TTN: variants seen among roughly 807,000 people sequenced by gnomAD.
TTN encodes the protein titin.
A neutral mutation model predicts 3,223.0 loss-of-function variants in TTN; 1,525 were observed. That is an observed-to-expected ratio of 0.47 (90% CI 0.45 to 0.49). The LOEUF (loss-of-function observed/expected upper bound fraction) is 0.49, where lower values mean the gene tolerates loss of function less well. TTN is among the 20% of genes least tolerant of loss of function. The probability of loss-of-function intolerance (pLI) is 0.00; values close to 1 mark genes in which losing one functional copy is unlikely to be tolerated. For synonymous variants in TTN, 14,094 were observed against 15,161.0 expected, an observed-to-expected ratio of 0.93 and a Z score of 5.17; for missense variants, 40,786 against 43,424.0, an observed-to-expected ratio of 0.94 and a Z score of 5.40.
In TTN at chr2:178,614,391, AT is replaced by A; in HGVS notation, c.49049-44del. The A allele has an allele frequency of 2.5e-6, 4 of 1,577,194 alleles. No homozygotes were observed. In the South Asian group the frequency reaches 3.6e-5, roughly 14 times the overall value. On this transcript the variant is annotated intron_variant, in intron 261 of 362. Transcript: ENST00000589042. ...GATGCAGAAAAAAAAATTGTTCACCATTTTTTTTATTTTTTTCTTTCAAGAA... is the reference window on the plus strand; with the variant it reads ...GATGCAGAAAAAAAAATTGTTCACCATTTTTTTATTTTTTTCTTTCAAGAA...
In TTN at chr2:178,724,376, T is replaced by A. The variant is rs764035021; in HGVS notation, c.20999A>T (p.Asn7000Ile). The change falls in exon 72 of 363, where the codon AAC (asparagine) becomes ATC (isoleucine). Residue 7000 changes from asparagine to isoleucine, a missense_variant. Transcript: ENST00000589042. Reference sequence around the variant, plus strand: ...GAGAATCCTTAAGGAAGAGATTTTGTTGTAGAAGCTAAATTTGTGTTTTTG... The same window carrying A: ...GAGAATCCTTAAGGAAGAGATTTTGATGTAGAAGCTAAATTTGTGTTTTTG... ...SSQKHKFSFYNKISSLRILSV... is the reference protein window; with the variant it reads ...SSQKHKFSFYIKISSLRILSV... The A allele has an allele frequency of 1.9e-6, 3 of 1,613,430 alleles. No homozygotes were observed. The highest frequency in any genetic ancestry group is 2.5e-6 in the Non-Finnish European group (3 of 1,179,608).
In TTN at chr2:178,546,491, C is replaced by T. The variant is rs775269806; in HGVS notation, c.94840G>A (p.Ala31614Thr). The T allele has an allele frequency of 6.2e-7, 1 of 1,611,046 alleles. No homozygotes were observed. Among genetic ancestry groups the T allele is most frequent in the Non-Finnish European group, 8.5e-7 (1 of 1,177,808 alleles). ...TCRDEYAPPK[A>T]ELDARLHGDL... is the part of the protein sequence containing the mutation. ...CCGTGTAATCGGGCATCCAGTTCGGCTTTGGGTGGAGCTGTCAGTAGGCAA... is the reference window on the plus strand; with the variant it reads ...CCGTGTAATCGGGCATCCAGTTCGGTTTTGGGTGGAGCTGTCAGTAGGCAA... Residue 31614 changes from alanine to threonine, a missense_variant, in exon 342 of 363, where the codon GCC (alanine) becomes ACC (threonine). Transcript: ENST00000589042.
chr2:178,746,136 G>T (rs397517820), intron 47 of TTN: 2 of 1,613,348 alleles, frequency 1.2e-6, no homozygotes, highest in Non-Finnish European at 1.7e-6. Flanking sequence ...ATATTATCTG[G>T]CTCAATACAC....
rs1418085481 is a variant in TTN at position 178,718,928 on chromosome 2, G to A, written c.24272C>T (p.Pro8091Leu). The A allele has an allele frequency of 6.2e-7, 1 of 1,612,016 alleles. No homozygotes were observed. The highest frequency in any genetic ancestry group is 8.5e-7 in the Non-Finnish European group (1 of 1,178,974). ...EQTPDSVEVL[P>L]GMSLTFTSVI... ...ACTGGTGAATGTGAGGCTCATTCCA[G>A]GCAAAACTTCCACAGAATCAGGGGT... is the stretch of plus-strand genomic sequence containing the variant. Residue 8091 changes from proline to leucine, a missense_variant, in exon 84 of 363, where the codon CCT becomes CTT. By Grantham distance (98) the Pro-to-Leu change is moderately conservative. Transcript: ENST00000589042.
rs151209395 is a variant in TTN at position 178,534,042 on chromosome 2, C to T, written c.102573G>A (p.Val34191=). The T allele has an allele frequency of 6.2e-7, 1 of 1,613,978 alleles. No individual in the cohort carries two copies. Among genetic ancestry groups the T allele is most frequent in the African/African-American group, 1.3e-5 (1 of 75,054 alleles). Residue 34191 remains valine, a synonymous_variant, in exon 358 of 363, where the codon GTG becomes GTA. Transcript: ENST00000589042. ...EKYEITYEDG[V]AILYVKDITK... Reference sequence around the variant, plus strand: ...TAATGTCTTTGACATAGAGGATGGCCACTCCATCTTCGTAGGTGATTTCGT... The same window carrying T: ...TAATGTCTTTGACATAGAGGATGGCTACTCCATCTTCGTAGGTGATTTCGT...
At position 178,723,471 on chromosome 2, in the gene TTN, A is replaced by G. The variant is rs2078787546; in HGVS notation, c.21629T>C (p.Val7210Ala). The G allele has an allele frequency of 6.2e-7, 1 of 1,613,252 alleles. No homozygotes were observed. The highest frequency in any genetic ancestry group is 1.3e-5 in the African/African-American group (1 of 74,906). Residue 7210 changes from valine (V) to alanine (A), a missense_variant, in exon 74 of 363, where the codon GTG becomes GCG. Physicochemically the swap from Val to Ala is moderately conservative, Grantham distance 64. Coordinates refer to ENST00000589042, the MANE Select transcript of TTN (RefSeq NM_001267550.2). ...DISQSGEYTC[V>A]VSNNAGQASC... ...TGCTTGGCCAGCGTTGTTAGAAACC[A>G]CACAGGTGTATTCCCCACTCTGAGA...
chr2:178,549,644 CGGAATT>C lies in TTN; in HGVS notation c.92072_92077del (p.Gln30691_Phe30692del), dbSNP rs2154148379. The C allele has an allele frequency of 6.2e-7, 1 of 1,613,818 alleles. No individual in the cohort carries two copies. Among genetic ancestry groups the C allele is most frequent in the Non-Finnish European group, 8.5e-7 (1 of 1,179,760 alleles). On this transcript the variant is annotated inframe_deletion, in exon 338 of 363. Transcript: ENST00000589042. ...ACCAAACTTGTTAACTGCAGAAACA[CGGAATT>C]GGTATTCATTGCCGTTTATTAGTTT...
rs372103803 is a variant in TTN, at chr2:178,782,307, T to G, written c.3285A>C (p.Glu1095Asp). 7.4e-6 allele frequency: 12 copies of G among 1,614,008 alleles called. No homozygotes were observed. Among genetic ancestry groups the G allele is most frequent in the Non-Finnish European group, 8.5e-6 (10 of 1,180,002 alleles). Residue 1095 changes from glutamate (E) to aspartate (D), a missense_variant, in exon 20 of 363, where the codon GAA becomes GAC. Transcript: ENST00000589042. ...GGCATCCAAACACCACGCTCCCACCTTCCACCAGTTTCTGGACCACTGGTT... is the reference window on the plus strand; with the variant it reads ...GGCATCCAAACACCACGCTCCCACCGTCCACCAGTTTCTGGACCACTGGTT... ...ITKPVVQKLV[E>D]GGSVVFGCQV...
At chr2:178,580,914 G>C (rs1161532660) in intron 316 of TTN, 1 of 271,112 alleles carries the variant, frequency 3.7e-6, no homozygotes, top group Admixed American at 5.4e-5. Flanking sequence ...ATTGATTTTT[G>C]GCTCCCTTTC....
chr2:178,599,265 G>C lies in TTN; in HGVS notation c.56528C>G (p.Thr18843Arg), dbSNP rs755999830. 1.3e-6 allele frequency: 2 copies of C among 1,584,058 alleles called. No homozygotes were observed. Among genetic ancestry groups the C allele is most frequent in the Non-Finnish European group, 1.7e-6 (2 of 1,169,916 alleles). ...VHVSSEPKEC[T>R]YTIPKLLEGH... The stretch of plus-strand genomic sequence containing the variant: ...TTCTAGCAATTTGGGAATCGTGTAC[G>C]TGCACTCCTTAGGTTCACTGGAGAC... The change falls in exon 290 of 363, where the codon ACG becomes AGG. Residue 18843 changes from threonine to arginine, a missense_variant. Thr to Arg is a moderately conservative substitution (Grantham distance 71, BLOSUM62 -1). Coordinates refer to ENST00000589042, the MANE Select transcript of TTN (RefSeq NM_001267550.2).
chr2:178,749,317 C>T (rs756156634), intron 47 of TTN: 35 of 1,612,138 alleles, frequency 2.2e-5, no homozygotes, highest in Non-Finnish European at 2.9e-5. Flanking sequence ...GTCTCTCTTT[C>T]CCTTCAGCCT....
rs1368419196 is a variant in TTN, at chr2:178,674,314, C to T, written c.34708G>A (p.Val11570Met). The change falls in exon 151 of 363, where the codon GTG (valine) becomes ATG (methionine). Residue 11570 changes from valine to methionine, a missense_variant and splice_region_variant. Transcript: ENST00000589042. ...GTTCAATCCTTAAAAGCGGTTATAC[C>T]TCTAGGTGGTGCCACCTCTTCAACT... ...EEVEEVAPPR[V>M]PEVIKKAVPE... 1 of 1,569,080 alleles carries T rather than the reference C, an allele frequency of 6.4e-7. No individual in the cohort carries two copies. The highest frequency in any genetic ancestry group is 1.2e-5 in the South Asian group (1 of 86,226).
Position 178,729,781 on chromosome 2 carries a change from C to T in TTN, c.18472G>A (p.Asp6158Asn), listed in dbSNP as rs2080068286. 5.0e-6 allele frequency: 8 copies of T among 1,613,764 alleles called. No individual in the cohort carries two copies. In the East Asian group the frequency reaches 1.6e-4, roughly 31 times the overall value. ...GAAATCTGGAAAGTGGCTAAACCAT[C>T]AATGAAGGAAATGCCATGTTTCTGA... is the stretch of plus-strand genomic sequence containing the variant. Reference protein sequence around the residue: ...AIQKHGISFIDGLATFQISGA... With the variant: ...AIQKHGISFINGLATFQISGA... The change falls in exon 63 of 363, where the codon GAT becomes AAT. Residue 6158 changes from aspartate (D) to asparagine (N), a missense_variant. By Grantham distance (23) the Asp-to-Asn change is conservative. Transcript: ENST00000589042.
At position 178,537,074 on chromosome 2, in the gene TTN, G is replaced by T; in HGVS notation, c.100035C>A (p.Ala33345=). ...CAATTCTACAGGTTGTCACTGAGATGGCTGAAGACACCAATTGCCATTCAG... is the reference window on the plus strand; with the variant it reads ...CAATTCTACAGGTTGTCACTGAGATTGCTGAAGACACCAATTGCCATTCAG... The part of the protein sequence containing the change: ...EGAEWQLVSS[A]ISVTTCRIVN... The change falls in exon 356 of 363, where the codon GCC becomes GCA. Residue 33345 remains alanine (A), a synonymous_variant. Transcript: ENST00000589042. 1.9e-6 allele frequency: 3 copies of T among 1,613,112 alleles called. No individual in the cohort carries two copies. The South Asian group carries it at 3.3e-5, about 18-fold the overall frequency.
rs764487564 is a variant in TTN at position 178,704,310 on chromosome 2, T to C, written c.30060A>G (p.Glu10020=). 5 of 1,614,048 alleles carry C rather than the reference T, an allele frequency of 3.1e-6. No homozygotes were observed. The highest frequency in any genetic ancestry group is 1.6e-4 in the Middle Eastern group (1 of 6,062). The change falls in exon 106 of 363, where the codon GAA becomes GAG. Residue 10020 remains glutamate (E), a synonymous_variant. Transcript: ENST00000589042. ...TAAGGATTCTGCCATTTCTGAACCA[T>C]TCAGATTTTACATTTGGTACAGAAA... is the stretch of plus-strand genomic sequence containing the variant. ...CQFSVPNVKS[E]WFRNGRILKP... is the part of the protein sequence containing the mutation.
In TTN at chr2:178,751,267, T is replaced by C. The variant is rs922986; in HGVS notation, c.11311+1857A>G. The C allele has an allele frequency of 1, 1,602,940 of 1,610,136 alleles. 798,165 individuals carry two copies. The highest frequency in any genetic ancestry group is 1 in the East Asian group (44,810 of 44,812). On this transcript the variant is annotated intron_variant, in intron 47 of 362. Transcript: ENST00000589042. ...GAGATAATTTCTTTTTCTCCATTAA[T>C]GTTTTTCTAGCCTCCCTTAAACGTT...
chr2:178,693,472 A>T (rs2072955555), intron 119 of TTN, 137 bp downstream of exon 119: 1 of 548,304 alleles, frequency 1.8e-6, no homozygotes, highest in Non-Finnish European at 2.9e-6. Context: ...GTCCCCCATC[A>T]CATCCTTTGT....
In TTN at chr2:178,572,101, A is replaced by G. The variant is rs777554021; in HGVS notation, c.74031T>C (p.Thr24677=). ...AGTATTCTTCACCCTGAATTAATCC[A>G]GTGATAGTGGCTTCAGTGACCTTGA... ...ATVKVTEATI[T]GLIQGEEYSF... is the part of the protein sequence containing the mutation. Residue 24677 remains threonine (T), a synonymous_variant, in exon 326 of 363, where the codon ACT becomes ACC. Transcript: ENST00000589042. The G allele has an allele frequency of 2.5e-6, 4 of 1,613,242 alleles. No homozygotes were observed. The highest frequency in any genetic ancestry group is 3.4e-6 in the Non-Finnish European group (4 of 1,179,538).
At position 178,556,967 on chromosome 2, in the gene TTN, A is replaced by G. The variant is rs9808377; in HGVS notation, c.88187T>C (p.Ile29396Thr). The G allele has an allele frequency of 0.28, 444,194 of 1,613,436 alleles. 73,989 individuals carry two copies. Among genetic ancestry groups the G allele is most frequent in the East Asian group, 0.69 (31,026 of 44,758 alleles). Reference sequence around the variant, plus strand: ...GGAATTCTGAGTCAAGCCAGAGATGATGAATTGAGTTTCAGTAACATTGGT... The same window carrying G: ...GGAATTCTGAGTCAAGCCAGAGATGGTGAATTGAGTTTCAGTAACATTGGT... ...SFTNVTETQFIISGLTQNSQY... is the reference protein window; with the variant it reads ...SFTNVTETQFTISGLTQNSQY... The change falls in exon 330 of 363, where the codon ATC (isoleucine) becomes ACC (threonine). Residue 29396 changes from isoleucine to threonine, a missense_variant. Physicochemically the swap from Ile to Thr is moderately conservative, Grantham distance 89. Coordinates refer to ENST00000589042, the MANE Select transcript of TTN (RefSeq NM_001267550.2).
Sources: allele counts gnomAD v4.1 joint callset, GRCh38; gene constraint gnomAD v4.1.1; transcripts MANE v1.5; gene names NCBI Gene and HGNC (gene_info 2026-07-23, HGNC 2026-07-21).